Variants in KIF16B observed in about 807,000 individuals in gnomAD.
KIF16B encodes the protein kinesin-like protein KIF16B.
Under a neutral mutation model 156.3 loss-of-function variants are expected in KIF16B, and 98 were observed. That is an observed-to-expected ratio of 0.63 (90% CI 0.53 to 0.74). KIF16B has a LOEUF of 0.74. KIF16B is among the 30% of genes least tolerant of loss of function. The probability of loss-of-function intolerance (pLI) is 0.00; values close to 1 mark genes in which losing one functional copy is unlikely to be tolerated. For missense variants in KIF16B, 1,421 were observed against 1,606.5 expected, an observed-to-expected ratio of 0.88 and a Z score of 1.97; for synonymous variants, 564 against 583.7, an observed-to-expected ratio of 0.97 and a Z score of 0.49.
chr20:16,339,492 T>C (rs1352402293), intron 23 of KIF16B, among the ~76,000 whole-genome samples: 2 of 152,110 alleles, frequency 1.3e-5, no homozygotes, highest in African/African-American at 4.8e-5. Flanking sequence ...TAAATTTACA[T>C]GTGGATGACT....
chr20:16,296,450 C>A (rs1269601080), intron 25 of KIF16B, among the ~76,000 whole-genome samples: 1 of 152,218 alleles, frequency 6.6e-6, no homozygotes, highest in African/African-American at 2.4e-5. Flanking sequence ...ACGTTCTACA[C>A]TGAACTCCAA....
At chr20:16,549,055 T>A (rs1382701839) in intron 1 of KIF16B, among the ~76,000 whole-genome samples, 1 of 151,854 alleles carries the variant, frequency 6.6e-6, no homozygotes, top group Non-Finnish European at 1.5e-5. Flanking sequence ...TTTTTTTAAT[T>A]ATACTTTAAG....
At chr20:16,307,495 G>A (rs1251404345) in intron 25 of KIF16B, among the ~76,000 whole-genome samples, 11 of 152,132 alleles carry the variant, frequency 7.2e-5, no homozygotes, top group Non-Finnish European at 1.0e-4. Context: ...GGGAAGATGT[G>A]AGACATAAAC....
At chr20:16,401,472 C>A (rs981642308) in intron 17 of KIF16B, among the ~76,000 whole-genome samples, 3 of 152,186 alleles carry the variant, frequency 2.0e-5, no homozygotes, top group African/African-American at 7.2e-5. Flanking sequence ...GGAACATCCA[C>A]GCCCAAAGAA....
intron 12 of KIF16B, among the ~76,000 whole-genome samples, chr20:16,443,631 G>C (rs1189112722): frequency 6.6e-6 from 1 of 152,136 alleles, no homozygotes; most frequent in Non-Finnish European, 1.5e-5. Context: ...AAGTATTCCT[G>C]TAATTGATAC....
chr20:16,452,131 C>G (rs1400680561), intron 12 of KIF16B, among the ~76,000 whole-genome samples: 2 of 152,044 alleles, frequency 1.3e-5, no homozygotes, highest in African/African-American at 4.8e-5. Flanking sequence ...GGCTCAGGCT[C>G]AGTAGGAACT....
chr20:16,566,222 C>G (rs1354214574), intron 1 of KIF16B, among the ~76,000 whole-genome samples: 1 of 152,206 alleles, frequency 6.6e-6, no homozygotes, highest in Non-Finnish European at 1.5e-5. Flanking sequence ...AGAATCCAAT[C>G]GCCATGGGTC....
intron 25 of KIF16B, among the ~76,000 whole-genome samples, chr20:16,296,088 A>G (rs986143097): frequency 2.6e-5 from 4 of 152,174 alleles, no homozygotes; most frequent in African/African-American, 7.2e-5. Flanking sequence ...CACAGCATCT[A>G]TGTGAACTGT....
intron 25 of KIF16B, among the ~76,000 whole-genome samples, chr20:16,307,972 ATATT>A (rs1397299116): frequency 6.6e-6 from 1 of 152,184 alleles, no homozygotes; most frequent in East Asian, 1.9e-4. Flanking sequence ...AATACGTACA[ATATT>A]TAAAGCCATA....
chr20:16,398,701 C>A (rs1249127441), intron 17 of KIF16B, among the ~76,000 whole-genome samples: 1 of 152,110 alleles, frequency 6.6e-6, no homozygotes, highest in Non-Finnish European at 1.5e-5. Context: ...GTGGGGGCAA[C>A]AAGAGGAAGA....
rs577848506 is a variant in KIF16B, at chr20:16,508,323, T to C, written c.557-223A>G. Among the ~76,000 whole-genome samples, 3 of 152,324 alleles carry C rather than the reference T, an allele frequency of 2.0e-5. No homozygotes were observed. In the South Asian group the frequency reaches 6.2e-4, roughly 32 times the overall value. ...TACTAGCCGTGGACTTACATAGTTATGGACAAACTGCTTCACCTCACTGTG... is the reference window on the plus strand; with the variant it reads ...TACTAGCCGTGGACTTACATAGTTACGGACAAACTGCTTCACCTCACTGTG... On this transcript the variant is annotated intron_variant, in intron 6 of 25. Coordinates refer to ENST00000354981, the MANE Select transcript of KIF16B (RefSeq NM_024704.5).
At chr20:16,337,282 A>G (rs2064056957) in intron 23 of KIF16B, among the ~76,000 whole-genome samples, 1 of 152,178 alleles carries the variant, frequency 6.6e-6, no homozygotes, top group African/African-American at 2.4e-5. Context: ...CAGGTAAATC[A>G]TAGGGCCATC....
rs531845682 is a variant in KIF16B, at chr20:16,286,834, T to C, written c.3796-13423A>G. Reference sequence around the variant, plus strand: ...ATCATGCTTCGTGGGATTCACACCCTGTGTGGCTCTCTTCGTTAAACCTAG... The same window carrying C: ...ATCATGCTTCGTGGGATTCACACCCCGTGTGGCTCTCTTCGTTAAACCTAG... On this transcript the variant is annotated intron_variant, in intron 25 of 25. Transcript: ENST00000354981. Among the ~76,000 whole-genome samples, 24 of 152,344 alleles carry C rather than the reference T, an allele frequency of 1.6e-4. No individual in the cohort carries two copies. In the South Asian group the frequency reaches 4.6e-3, roughly 29 times the overall value.
At chr20:16,321,890 C>T (rs7273594) in intron 24 of KIF16B, among the ~76,000 whole-genome samples, 23,345 of 151,808 alleles carry the variant, frequency 0.15, 1,964 homozygotes, top group East Asian at 0.32. Context: ...TATTTGAGCT[C>T]TTATGGGAAA....
Position 16,506,063 on chromosome 20 carries a change from T to C in KIF16B, c.827A>G (p.Asn276Ser). The change falls in exon 8 of 26, where the codon AAC becomes AGC. Residue 276 changes from asparagine to serine, a missense_variant. By Grantham distance (46) the Asn-to-Ser change is conservative. Coordinates refer to ENST00000354981, the MANE Select transcript of KIF16B (RefSeq NM_024704.5). ...GTTCCCCAGAGTCACGAGGGACTTG[T>C]TAATATTTCCCCCTTCCTTTAGCCT... Reference protein sequence around the residue: ...GVRLKEGGNINKSLVTLGNVI... With the variant: ...GVRLKEGGNISKSLVTLGNVI... 6.2e-7 allele frequency: 1 copy of C among 1,614,128 alleles called. No homozygotes were observed. The highest frequency in any genetic ancestry group is 8.5e-7 in the Non-Finnish European group (1 of 1,179,996).
At chr20:16,474,151 C>T (rs1257910965) in intron 12 of KIF16B, among the ~76,000 whole-genome samples, 1 of 152,178 alleles carries the variant, frequency 6.6e-6, no homozygotes, top group East Asian at 1.9e-4. Flanking sequence ...TGGCTACCCT[C>T]CGGGTCAACT....
intron 22 of KIF16B, chr20:16,368,756 T>C: frequency 3.0e-6 from 3 of 985,856 alleles, no homozygotes; most frequent in Middle Eastern, 5.2e-4. Flanking sequence ...TCATGGGAAA[T>C]GCCTTCAGAC....
At chr20:16,312,546 G>A (rs968341897) in intron 24 of KIF16B, 128 bp from the exon 25 acceptor site, 6 of 711,578 alleles carry the variant, frequency 8.4e-6, no homozygotes, top group African/African-American at 7.1e-5. Context: ...AAAGATGGTG[G>A]GTCCTGCCTT....
intron 1 of KIF16B, among the ~76,000 whole-genome samples, chr20:16,563,694 C>T (rs2071150824): frequency 6.6e-6 from 1 of 152,220 alleles, no homozygotes; most frequent in Non-Finnish European, 1.5e-5. Context: ...TCTCCCACTC[C>T]ACTCTCATGC....
Sources: allele counts gnomAD v4.1 joint callset (sites outside exome capture counted in the v4.1 genomes callset), GRCh38; gene constraint gnomAD v4.1.1; transcripts MANE v1.5; gene names NCBI Gene and HGNC (gene_info 2026-07-23, HGNC 2026-07-21).